GLI3: variants seen among roughly 807,000 people sequenced by gnomAD.
GLI3 encodes the protein transcription activator GLI3.
Under a neutral mutation model 100.8 loss-of-function variants are expected in GLI3, and 20 were observed. The ratio of observed to expected loss-of-function variants is 0.20; its 90% confidence interval spans 0.14 to 0.29. The LOEUF (loss-of-function observed/expected upper bound fraction) is 0.29, where lower values mean the gene tolerates loss of function less well. GLI3 is among the 10% of genes least tolerant of loss of function. The pLI is 1.00. For synonymous variants in GLI3, 938 were observed against 860.5 expected (o/e 1.09, Z -1.58); for missense variants, 2,040 against 2,128.5 (o/e 0.96, Z 0.82).
intron 2 of GLI3, among the ~76,000 whole-genome samples, chr7:42,219,151 A>G (rs1203506267): frequency 1.3e-5 from 2 of 152,242 alleles, no homozygotes; most frequent in Non-Finnish European, 2.9e-5. Context: ...AAAGTCAACA[A>G]TTATACCTAA....
At chr7:42,042,171 C>T (rs557983783) in intron 6 of GLI3, among the ~76,000 whole-genome samples, 1 of 152,046 alleles carries the variant, frequency 6.6e-6, no homozygotes, top group Non-Finnish European at 1.5e-5. Context: ...CACCACCACG[C>T]CCGGATAATT....
chr7:42,017,427 C>T (rs1257321075), intron 10 of GLI3, among the ~76,000 whole-genome samples: 2 of 152,058 alleles, frequency 1.3e-5, no homozygotes, highest in African/African-American at 2.4e-5. Context: ...AATACATGGC[C>T]GCCTCTTAAA....
At chr7:42,202,871 A>G (rs1788075471) in intron 2 of GLI3, among the ~76,000 whole-genome samples, 1 of 152,186 alleles carries the variant, frequency 6.6e-6, no homozygotes, top group Non-Finnish European at 1.5e-5. Context: ...ACTCTTATGC[A>G]CTCAGCATCT....
At chr7:42,020,521 G>T (rs1788905820) in intron 10 of GLI3, among the ~76,000 whole-genome samples, 1 of 152,114 alleles carries the variant, frequency 6.6e-6, no homozygotes, top group South Asian at 2.1e-4. Context: ...GTAAGAGGGG[G>T]AAAAAGAATG....
At chr7:42,199,586 GACT>G (rs909726772) in intron 2 of GLI3, among the ~76,000 whole-genome samples, 4 of 152,146 alleles carry the variant, frequency 2.6e-5, no homozygotes, top group African/African-American at 9.7e-5. Flanking sequence ...GTGAACAAAA[GACT>G]GTATATATGT....
intron 2 of GLI3, among the ~76,000 whole-genome samples, chr7:42,175,469 T>G (rs1787460284): frequency 6.6e-6 from 1 of 151,972 alleles, no homozygotes; most frequent in Non-Finnish European, 1.5e-5. Context: ...AATACAAAAA[T>G]TAGCCAGGCG....
intron 4 of GLI3, among the ~76,000 whole-genome samples, chr7:42,066,282 G>A (rs1784672704): frequency 6.6e-6 from 1 of 152,090 alleles, no homozygotes; most frequent in South Asian, 2.1e-4. Context: ...ACCAAGGAAG[G>A]ATGTTTCTCT....
intron 2 of GLI3, among the ~76,000 whole-genome samples, chr7:42,202,442 T>G (rs1788063808): frequency 6.6e-6 from 1 of 150,778 alleles, no homozygotes; most frequent in Non-Finnish European, 1.5e-5. Context: ...TGCTTCCTGG[T>G]TCTAAAAACA....
intron 10 of GLI3, among the ~76,000 whole-genome samples, chr7:41,985,096 G>A (rs1210246918): frequency 6.6e-6 from 1 of 152,208 alleles, no homozygotes; most frequent in African/African-American, 2.4e-5. Context: ...GTGGAAGGCT[G>A]AGCACACTTG....
chr7:42,162,111 CTACAGGGT>C (rs748105213), intron 2 of GLI3, among the ~76,000 whole-genome samples: 2 of 152,170 alleles, frequency 1.3e-5, no homozygotes, highest in Admixed American at 6.5e-5. Flanking sequence ...GACGCAGAGG[CTACAGGGT>C]TAACACAGGG....
chr7:42,080,779 T>C (rs928854508), intron 3 of GLI3, among the ~76,000 whole-genome samples: 1 of 152,202 alleles, frequency 6.6e-6, no homozygotes, highest in Non-Finnish European at 1.5e-5. Flanking sequence ...GCCTTGCTGG[T>C]GTCTTGGTTT....
At chr7:42,262,964 T>A (rs1789160815) in intron 1 of GLI3, among the ~76,000 whole-genome samples, 1 of 146,468 alleles carries the variant, frequency 6.8e-6, no homozygotes, top group Non-Finnish European at 1.5e-5. Flanking sequence ...TTTTTTTTTT[T>A]AATGATTAAT....
chr7:42,079,362 A>G (rs894119934), intron 3 of GLI3, among the ~76,000 whole-genome samples: 1 of 152,214 alleles, frequency 6.6e-6, no homozygotes, highest in African/African-American at 2.4e-5. Context: ...CACTCGTTTG[A>G]AAGCCTGACA....
chr7:41,964,626 C>G lies in GLI3; in HGVS notation c.4447G>C (p.Gly1483Arg). Residue 1483 changes from glycine (G) to arginine (R), a missense_variant, in exon 15 of 15, where the codon GGT (glycine) becomes CGT (arginine). Physicochemically the swap from Gly to Arg is moderately radical, Grantham distance 125. Around this residue, in one of 5 missense-constraint regions of GLI3, gnomAD observed 1,041 missense variants for 924.0 expected, o/e 1.13. Coordinates refer to ENST00000395925, the MANE Select transcript of GLI3 (RefSeq NM_000168.6). ...ACTGTGCTTGTCACCTGATTAGCACCTGGGGAAAGTAACTCAGAGTTTTTG... is the reference window on the plus strand; with the variant it reads ...ACTGTGCTTGTCACCTGATTAGCACGTGGGGAAAGTAACTCAGAGTTTTTG... Reference protein sequence around the residue: ...SAKNSELLSPGANQVTSTVDS... With the variant: ...SAKNSELLSPRANQVTSTVDS... 1 of 1,613,914 alleles carries G rather than the reference C, an allele frequency of 6.2e-7. No individual in the cohort carries two copies. Among genetic ancestry groups the G allele is most frequent in the Middle Eastern group, 1.7e-4 (1 of 6,058 alleles).
At chr7:42,139,451 G>C (rs770274566) in intron 3 of GLI3, among the ~76,000 whole-genome samples, 2 of 152,068 alleles carry the variant, frequency 1.3e-5, no homozygotes, top group Admixed American at 6.5e-5. Context: ...AGGCCGAGAC[G>C]GGCAGATCAC....
At chr7:42,158,801 T>A (rs186371608) in intron 2 of GLI3, among the ~76,000 whole-genome samples, 2 of 152,274 alleles carry the variant, frequency 1.3e-5, no homozygotes, top group East Asian at 3.9e-4. Context: ...AGCTGAAGAC[T>A]ATTTTCATTG....
chr7:42,211,555 T>C (rs1054428664), intron 2 of GLI3, among the ~76,000 whole-genome samples: 2 of 152,262 alleles, frequency 1.3e-5, no homozygotes, highest in Admixed American at 1.3e-4. Flanking sequence ...AGAAAATGTT[T>C]ACATTGATGT....
At chr7:42,222,924 T>G (rs1788513071) in intron 2 of GLI3, 2 of 594,134 alleles carry the variant, frequency 3.4e-6, no homozygotes, top group Admixed American at 5.3e-5. Context: ...TTAGAAAGTT[T>G]GGAAGTCAAC....
chr7:42,121,905 C>CCA (rs1786009133), intron 3 of GLI3, among the ~76,000 whole-genome samples: 1 of 152,112 alleles, frequency 6.6e-6, no homozygotes, highest in Non-Finnish European at 1.5e-5. Flanking sequence ...TAAATAAGCC[C>CCA]CAGATCTTAA....
Sources: gnomAD v4.1 joint callset for allele counts (sites outside exome capture counted in the v4.1 genomes callset) on GRCh38, gnomAD v4.1.1 for gene constraint, gnomAD v4.1.1 regional missense constraint, MANE v1.5 for transcripts, NCBI Gene and HGNC (gene_info 2026-07-23, HGNC 2026-07-21) for gene names.